PSG7: variants seen among roughly 807,000 people sequenced by gnomAD.
The protein encoded by PSG7 is pregnancy-specific beta-1-glycoprotein 7.
PSG7 carries 57 observed loss-of-function variants against 45.6 expected under a neutral mutation model. That is an observed-to-expected ratio of 1.25 (90% CI 1.01 to 1.56). The LOEUF (loss-of-function observed/expected upper bound fraction) is 1.56, where lower values mean the gene tolerates loss of function less well. Ranked by LOEUF, PSG7 falls within the 40% of genes most tolerant of loss-of-function variation. The pLI is 0.00. For missense variants in PSG7, 796 were observed against 508.4 expected (o/e 1.57, Z -5.44); for synonymous variants, 298 against 194.4 (o/e 1.53, Z -4.43).
intron 3 of PSG7, among the ~76,000 whole-genome samples, chr19:42,928,647 G>C (rs969343172): frequency 1.3e-5 from 2 of 151,384 alleles, no homozygotes; most frequent in African/African-American, 4.9e-5. Context: ...GGCAAAACCT[G>C]GTGGTTTTGG....
chr19:42,926,940 A>G, intron 3 of PSG7: 1 of 908,558 alleles, frequency 1.1e-6, no homozygotes, highest in East Asian at 2.7e-5. Flanking sequence ...TCAAGTGTCA[A>G]TTGAGCAGCA....
chr19:42,935,873 GACACAC>G (rs60833164), intron 1 of PSG7, 104 bp from the exon 2 acceptor site: 51,796 of 725,984 alleles, frequency 0.071, 729 homozygotes, highest in African/African-American at 0.11. Flanking sequence ...CAGCCTTGAA[GACACAC>G]ACACACACAC....
chr19:42,926,799 C>T (rs928538330), intron 3 of PSG7, 83 bp from the exon 4 acceptor site: 3 of 1,569,830 alleles, frequency 1.9e-6, no homozygotes, highest in Non-Finnish European at 2.6e-6. Flanking sequence ...GTTGGCATCT[C>T]CCACCTGTCA....
chr19:42,933,331 T>C (rs1160450274), intron 2 of PSG7, among the ~76,000 whole-genome samples: 2 of 112,106 alleles, frequency 1.8e-5, no homozygotes, highest in African/African-American at 3.3e-5. Context: ...TTGGTGTATG[T>C]ATGTGTGCAG....
chr19:42,937,052 A>T lies in PSG7; in HGVS notation c.25T>A (p.Cys9Ser). Residue 9 changes from cysteine (C) to serine (S), a missense_variant, in exon 1 of 6, where the codon TGC (cysteine) becomes AGC (serine). Coordinates refer to ENST00000406070, the MANE Select transcript of PSG7 (RefSeq NM_002783.3). ...CCTTTCCAGGTTATATGCTGTGTGC[A>T]GGGAGGGGCTGAGAGGGGCCCCATG... MGPLSAPP[C>S]TQHITWKGLL... is the part of the protein sequence containing the mutation. The T allele has an allele frequency of 6.2e-7, 1 of 1,611,494 alleles. No homozygotes were observed. The highest frequency in any genetic ancestry group is 8.5e-7 in the Non-Finnish European group (1 of 1,178,562).
intron 2 of PSG7, among the ~76,000 whole-genome samples, chr19:42,933,295 A>ATTTTTTTTT (rs1168854490): frequency 8.4e-5 from 1 of 11,900 alleles, no homozygotes; most frequent in East Asian, 4.4e-3. Context: ...ATATATATAT[A>ATTTTTTTTT]TATATATATA....
chr19:42,933,303 ATATAT>A (rs1256442237), intron 2 of PSG7, among the ~76,000 whole-genome samples: 7 of 14,844 alleles, frequency 4.7e-4, no homozygotes, highest in African/African-American at 7.0e-4. Context: ...ATATATATAT[ATATAT>A]TTTTTTTTTT....
In PSG7 at chr19:42,926,400, G is replaced by C. The variant is rs181936613; in HGVS notation, c.988+38C>G. 1.3e-4 allele frequency: 205 copies of C among 1,607,494 alleles called. 4 individuals are homozygous for C. Among genetic ancestry groups the C allele is most frequent in the Non-Finnish European group, 1.6e-4 (185 of 1,176,718 alleles). ...TCGTTTGGAGTTAAGCTGGTGTCCT[G>C]GCCCACAGAGGAAGAAAGGATACTC... On this transcript the variant is annotated intron_variant, in intron 4 of 5. Coordinates refer to ENST00000406070, the MANE Select transcript of PSG7 (RefSeq NM_002783.3).
intron 2 of PSG7, among the ~76,000 whole-genome samples, chr19:42,932,600 G>A (rs1480816326): frequency 6.6e-6 from 1 of 151,502 alleles, no homozygotes; most frequent in Non-Finnish European, 1.5e-5. Flanking sequence ...AAACTAGCGT[G>A]GCTGACTCCA....
At chr19:42,933,914 G>T (rs140719820) in intron 2 of PSG7, among the ~76,000 whole-genome samples, 4 of 151,436 alleles carry the variant, frequency 2.6e-5, no homozygotes, top group African/African-American at 9.7e-5. Context: ...TGAAACATGG[G>T]TGTCAGCCTC....
At chr19:42,926,252 T>G in intron 4 of PSG7, 186 bp downstream of exon 4, 1 of 1,353,198 alleles carries the variant, frequency 7.4e-7, no homozygotes, top group Non-Finnish European at 1.0e-6. Flanking sequence ...TCCCCTTATA[T>G]TCTTGGTTAA....
At position 42,935,683 on chromosome 19, in the gene PSG7, C is replaced by T. The variant is rs1973135169; in HGVS notation, c.151G>A (p.Val51Ile). The stretch of plus-strand genomic sequence containing the variant: ...GGCAAATTGTGGACAAGTAGAAGAA[C>T]ATCCTTCCCCTCGGAAACTTTTGGT... ...QPPKVSEGKD[V>I]LLLVHNLPQN... Residue 51 changes from valine to isoleucine, a missense_variant, in exon 2 of 6, where the codon GTT becomes ATT. Coordinates refer to ENST00000406070, the MANE Select transcript of PSG7 (RefSeq NM_002783.3). The T allele has an allele frequency of 3.1e-6, 5 of 1,611,958 alleles. No individual in the cohort carries two copies. The highest frequency in any genetic ancestry group is 4.5e-5 in the East Asian group (2 of 44,768).
Position 42,929,628 on chromosome 19 carries a change from C to T in PSG7, c.523G>A (p.Asp175Asn), listed in dbSNP as rs772109801. 1.2e-6 allele frequency: 2 copies of T among 1,612,458 alleles called. No homozygotes were observed. Among genetic ancestry groups the T allele is most frequent in the Middle Eastern group, 1.6e-4 (1 of 6,084 alleles). The change falls in exon 3 of 6, where the codon GAT (aspartate) becomes AAT (asparagine). Residue 175 changes from aspartate (D) to asparagine (N), a missense_variant. Coordinates refer to ENST00000406070, the MANE Select transcript of PSG7 (RefSeq NM_002783.3). ...TTCATCCACCACAGGTAGCTTGCAT[C>T]TGGAGTCTCAGGATCACAGGTTAAA... ...VILTCDPETP[D>N]ASYLWWMNGQ...
In PSG7 at chr19:42,926,363, A is replaced by G; in HGVS notation, c.988+75T>C. On this transcript the variant is annotated intron_variant, in intron 4 of 5. Coordinates refer to ENST00000406070, the MANE Select transcript of PSG7 (RefSeq NM_002783.3). ...CTTGGACCGGAGAGAGACTGAGAGG[A>G]CTGGCCTCTGGTCGTTTGGAGTTAA... 2.0e-5 allele frequency: 31 copies of G among 1,589,574 alleles called. 3 individuals are homozygous for G. The South Asian group carries it at 3.4e-4, about 17-fold the overall frequency.
intron 3 of PSG7, 133 bp from the exon 4 acceptor site, chr19:42,926,849 G>C: frequency 6.9e-7 from 1 of 1,456,836 alleles, no homozygotes; most frequent in Non-Finnish European, 9.3e-7. Context: ...TGGTGTGTGT[G>C]TCACAAGGTA....
In PSG7 at chr19:42,924,753, G is replaced by C; in HGVS notation, c.*55C>G. On this transcript the variant is annotated 3_prime_UTR_variant, in exon 6 of 6. Coordinates refer to ENST00000406070, the MANE Select transcript of PSG7 (RefSeq NM_002783.3). ...TTATAGGGCTTCTGGAACAGAGTGG[G>C]TCTTGCTCTTTGAGGTTCCATGGGA... The C allele has an allele frequency of 1.3e-6, 1 of 767,902 alleles. No homozygotes were observed. Among genetic ancestry groups the C allele is most frequent in the Non-Finnish European group, 2.4e-6 (1 of 417,506 alleles). 47.6% of individuals were successfully genotyped at this position (767,902 alleles called of 1,614,324 possible). A position where few individuals can be genotyped will look rare whatever the true frequency, so the allele number is the denominator to read the frequency against.
intron 2 of PSG7, among the ~76,000 whole-genome samples, chr19:42,934,021 A>G (rs1973093070): frequency 2.0e-5 from 3 of 151,340 alleles, no homozygotes; most frequent in Non-Finnish European, 4.4e-5. Context: ...TCTGCATTCA[A>G]TTCCTTTATT....
At chr19:42,934,420 C>T (rs1973101330) in intron 2 of PSG7, among the ~76,000 whole-genome samples, 1 of 151,446 alleles carries the variant, frequency 6.6e-6, no homozygotes, top group Non-Finnish European at 1.5e-5. Flanking sequence ...GCAGACAGAC[C>T]TCATGTGACC....
Position 42,929,445 on chromosome 19 carries a change from G to A in PSG7, c.706C>T (p.Leu236Phe), listed in dbSNP as rs1315621349. The A allele has an allele frequency of 5.6e-6, 9 of 1,612,256 alleles. 1 individual carries two copies. Among genetic ancestry groups the A allele is most frequent in the Non-Finnish European group, 7.6e-6 (9 of 1,179,078 alleles). The change falls in exon 3 of 6, where the codon CTC becomes TTC. Residue 236 changes from leucine to phenylalanine, a missense_variant. Leu to Phe is a conservative substitution (Grantham distance 22, BLOSUM62 0). Coordinates refer to ENST00000406070, the MANE Select transcript of PSG7 (RefSeq NM_002783.3). ...SRSDPVTLNL[L>F]PKLPKPYITI... ...CAGAGGAACAGAAGATACTCACGGAGGAGATTCAGGGTGACTGGGTCACTG... is the reference window on the plus strand; with the variant it reads ...CAGAGGAACAGAAGATACTCACGGAAGAGATTCAGGGTGACTGGGTCACTG...
Sources: gnomAD v4.1 joint callset for allele counts (sites outside exome capture counted in the v4.1 genomes callset) on GRCh38, gnomAD v4.1.1 for gene constraint, MANE v1.5 for transcripts, NCBI Gene and HGNC (gene_info 2026-07-23, HGNC 2026-07-21) for gene names.